Variants in TANGO6 observed in about 807,000 individuals in gnomAD.
The protein encoded by TANGO6 is transport and golgi organization 6 homolog, also known as transport and Golgi organization protein 6 homolog.
A neutral mutation model predicts 114.2 loss-of-function variants in TANGO6; 90 were observed. The ratio of observed to expected loss-of-function variants is 0.79; its 90% confidence interval spans 0.66 to 0.94. The LOEUF (loss-of-function observed/expected upper bound fraction) is 0.94. TANGO6 is among the 40% of genes least tolerant of loss of function. The probability of loss-of-function intolerance (pLI) is 0.00; values close to 1 mark genes in which losing one functional copy is unlikely to be tolerated. For missense variants in TANGO6, 1,274 were observed against 1,315.3 expected (o/e 0.97, Z 0.49); for synonymous variants, 477 against 509.8 (o/e 0.94, Z 0.87).
chr16:68,907,977 A>G (rs1016579622), intron 10 of TANGO6, among the ~76,000 whole-genome samples: 1 of 152,204 alleles, frequency 6.6e-6, no homozygotes, highest in Admixed American at 6.5e-5. Flanking sequence ...AAGGAGATTT[A>G]GCAATTCTGC....
chr16:68,947,702 C>T (rs1173270202), intron 14 of TANGO6, among the ~76,000 whole-genome samples: 1 of 147,130 alleles, frequency 6.8e-6, no homozygotes, highest in Non-Finnish European at 1.5e-5. Context: ...AGAAATTCTT[C>T]TGCCTCAGCC....
chr16:68,861,483 G>A (rs753027547), intron 2 of TANGO6, among the ~76,000 whole-genome samples: 1 of 152,156 alleles, frequency 6.6e-6, no homozygotes, highest in Non-Finnish European at 1.5e-5. Flanking sequence ...TATGTGATAG[G>A]AGCAGAGTGC....
At chr16:69,038,185 T>C (rs955101356) in intron 16 of TANGO6, among the ~76,000 whole-genome samples, 5 of 152,144 alleles carry the variant, frequency 3.3e-5, no homozygotes, top group African/African-American at 1.2e-4. Flanking sequence ...TCCCAGCACT[T>C]TGGGAGGCCG....
intron 7 of TANGO6, among the ~76,000 whole-genome samples, chr16:68,894,942 G>A (rs1207102730): frequency 2.0e-5 from 3 of 152,078 alleles, no homozygotes; most frequent in Non-Finnish European, 4.4e-5. Flanking sequence ...TGTGGATTGT[G>A]AATGGATTTT....
At chr16:68,900,288 T>A (rs1646110662) in intron 7 of TANGO6, 146 bp from the exon 8 acceptor site, 1 of 646,318 alleles carries the variant, frequency 1.5e-6, no homozygotes, top group Non-Finnish European at 2.7e-6. Context: ...CATTGCCATA[T>A]CTGAGCACAT....
At chr16:68,921,943 T>C (rs1051909290) in intron 12 of TANGO6, among the ~76,000 whole-genome samples, 19 of 152,152 alleles carry the variant, frequency 1.2e-4, no homozygotes, top group African/African-American at 4.6e-4. Flanking sequence ...GAATCATGGA[T>C]TTGTAAATGG....
chr16:68,977,810 C>T (rs1597044675), intron 15 of TANGO6, among the ~76,000 whole-genome samples: 1 of 151,434 alleles, frequency 6.6e-6, no homozygotes, highest in East Asian at 2.0e-4. Context: ...CTCAGCCTCC[C>T]GAGTAGCTGG....
intron 15 of TANGO6, among the ~76,000 whole-genome samples, chr16:69,016,212 A>G (rs1959295764): frequency 1.3e-5 from 2 of 152,126 alleles, no homozygotes; most frequent in Non-Finnish European, 2.9e-5. Context: ...GGCACATTGG[A>G]GTACTGTGGG....
intron 15 of TANGO6, among the ~76,000 whole-genome samples, chr16:68,976,661 A>T (rs1020611516): frequency 6.6e-6 from 1 of 152,220 alleles, no homozygotes; most frequent in Non-Finnish European, 1.5e-5. Flanking sequence ...CCTTAAAATA[A>T]GGCAAATCAA....
At position 69,083,531 on chromosome 16, in the gene TANGO6, T is replaced by C; in HGVS notation, c.3155T>C (p.Val1052Ala). The change falls in exon 18 of 18, where the codon GTA (valine) becomes GCA (alanine). Residue 1052 changes from valine to alanine, a missense_variant. Physicochemically the swap from Val to Ala is moderately conservative, Grantham distance 64. Around this residue, in one of 5 missense-constraint regions of TANGO6, gnomAD observed 238 missense variants for 252.9 expected, o/e 0.94. Transcript: ENST00000261778. ...GATCTCTACCACCTGCTGAAGCACG[T>C]AGTGTGTCTGGAGCCCGATGACGTG... ...LKDLYHLLKH[V>A]VCLEPDDVAK... is the part of the protein sequence containing the mutation. The C allele has an allele frequency of 6.2e-7, 1 of 1,612,532 alleles. No individual in the cohort carries two copies. Among genetic ancestry groups the C allele is most frequent in the Non-Finnish European group, 8.5e-7 (1 of 1,179,330 alleles).
chr16:68,992,486 G>T (rs1272799327), intron 15 of TANGO6, among the ~76,000 whole-genome samples: 2 of 152,144 alleles, frequency 1.3e-5, no homozygotes, highest in Admixed American at 6.5e-5. Context: ...ATGGTAAGGG[G>T]TGAATAAATG....
chr16:69,010,729 C>G (rs965436532), intron 15 of TANGO6, among the ~76,000 whole-genome samples: 1 of 152,212 alleles, frequency 6.6e-6, no homozygotes, highest in Admixed American at 6.5e-5. Flanking sequence ...CTTAGTACCT[C>G]TAACTTCCTA....
At chr16:68,909,085 A>G (rs1962888741) in intron 10 of TANGO6, 126 bp from the exon 11 acceptor site, 1 of 831,414 alleles carries the variant, frequency 1.2e-6, no homozygotes, top group Admixed American at 4.2e-5. Flanking sequence ...TATTATAAAT[A>G]ATGTTGCAAC....
chr16:68,949,701 G>A (rs1963452500), intron 14 of TANGO6, among the ~76,000 whole-genome samples: 1 of 151,950 alleles, frequency 6.6e-6, no homozygotes, highest in African/African-American at 2.4e-5. Flanking sequence ...AATGTAAAAT[G>A]GTACAGTTGC....
At chr16:68,877,244 C>T (rs576222585) in intron 5 of TANGO6, among the ~76,000 whole-genome samples, 3 of 151,966 alleles carry the variant, frequency 2.0e-5, no homozygotes, top group East Asian at 1.9e-4. Flanking sequence ...CTGAGGCGGG[C>T]GGATCACGAG....
chr16:69,024,270 CTTTT>C (rs535262771), intron 16 of TANGO6, among the ~76,000 whole-genome samples: 1 of 135,278 alleles, frequency 7.4e-6, no homozygotes, highest in Non-Finnish European at 1.6e-5. Flanking sequence ...CTCTAGCCCC[CTTTT>C]TTTTTTTTTT....
chr16:68,941,608 C>T (rs1020588051), intron 14 of TANGO6, among the ~76,000 whole-genome samples: 2 of 151,896 alleles, frequency 1.3e-5, no homozygotes, highest in East Asian at 3.9e-4. Flanking sequence ...TAGCCAGGCA[C>T]AGTGGTGCAT....
At chr16:68,866,349 C>T (rs1288739836) in intron 3 of TANGO6, among the ~76,000 whole-genome samples, 3 of 151,742 alleles carry the variant, frequency 2.0e-5, no homozygotes, top group East Asian at 1.9e-4. Flanking sequence ...GTCGGCCGGG[C>T]GCGGTGGCTC....
chr16:68,949,001 A>G (rs1024170861), intron 14 of TANGO6, among the ~76,000 whole-genome samples: 7 of 152,144 alleles, frequency 4.6e-5, no homozygotes, highest in African/African-American at 1.4e-4. Context: ...AGCCTGACCA[A>G]CATGGAGAAA....
Sources: allele counts gnomAD v4.1 joint callset (sites outside exome capture counted in the v4.1 genomes callset), GRCh38; gene constraint gnomAD v4.1.1; regional missense constraint gnomAD v4.1.1; transcripts MANE v1.5; gene names NCBI Gene and HGNC (gene_info 2026-07-23, HGNC 2026-07-21).